Variants in AMOT observed in about 807,000 individuals in gnomAD.
AMOT encodes angiomotin.
AMOT carries 11 observed loss-of-function variants against 67.0 expected under a neutral mutation model. That is an observed-to-expected ratio of 0.16 (90% CI 0.10 to 0.27). The LOEUF (loss-of-function observed/expected upper bound fraction) is 0.27, where lower values mean the gene tolerates loss of function less well. Ranked by LOEUF, AMOT falls within the 10% of genes least tolerant of loss-of-function variation. The pLI is 1.00. For missense variants in AMOT, 753 were observed against 852.0 expected (o/e 0.88, Z 1.45); for synonymous variants, 326 against 321.4 (o/e 1.01, Z -0.15).
At position 112,812,140 on chromosome X, in the gene AMOT, G is replaced by T. The variant is rs931667902; in HGVS notation, c.1393-747C>A. 2.3e-4 allele frequency among the ~76,000 whole-genome samples: 26 copies of T among 111,952 alleles called. 1 individual carries two copies. Among genetic ancestry groups the T allele is most frequent in the African/African-American group, 8.1e-4 (25 of 30,764 alleles). ...AAGGAAGAAGTTATTCCTGGTTGGG[G>T]AAGTGGGGAGGAGAACAATTTCTGA... On this transcript the variant is annotated intron_variant, in intron 5 of 13. Coordinates refer to ENST00000371959, the MANE Select transcript of AMOT (RefSeq NM_001113490.2).
At position 112,815,706 on chromosome X, in the gene AMOT, G is replaced by C; in HGVS notation, c.1044C>G (p.His348Gln). The C allele has an allele frequency of 8.6e-7, 1 of 1,168,828 alleles. No homozygotes were observed. Among genetic ancestry groups the C allele is most frequent in the Non-Finnish European group, 1.1e-6 (1 of 873,756 alleles). Reference protein sequence around the residue: ...LVPNQGDHSAHLPRPQQHFLP... With the variant: ...LVPNQGDHSAQLPRPQQHFLP... The stretch of plus-strand genomic sequence containing the variant: ...GGAAATGCTGCTGCGGCCTAGGCAG[G>C]TGAGCTGAATGGTCTCCCTGGTTTG... Residue 348 changes from histidine to glutamine, a missense_variant, in exon 5 of 14, where the codon CAC becomes CAG. Physicochemically the swap from His to Gln is conservative, Grantham distance 24 (BLOSUM62 0). Transcript: ENST00000371959.
chrX:112,807,527 T>A (rs1025632442), intron 7 of AMOT, among the ~76,000 whole-genome samples: 1 of 108,938 alleles, frequency 9.2e-6, no homozygotes, highest in Non-Finnish European at 1.9e-5. Context: ...CAAATATGAT[T>A]CATATGCTAA....
At chrX:112,802,553 T>G (rs1396807762) in intron 8 of AMOT, among the ~76,000 whole-genome samples, 2 of 112,392 alleles carry the variant, frequency 1.8e-5, no homozygotes, top group African/African-American at 6.5e-5. Context: ...GTGGTAAGCC[T>G]GCTCTCCCAG....
intron 5 of AMOT, 32 bp downstream of exon 5, chrX:112,815,326 G>T (rs1285389896): frequency 3.4e-6 from 4 of 1,173,660 alleles, no homozygotes; most frequent in Non-Finnish European, 4.6e-6. Flanking sequence ...TAAAGACTTA[G>T]AGACCCTAAT....
At chrX:112,788,754 A>T (rs1465099597) in intron 10 of AMOT, among the ~76,000 whole-genome samples, 1 of 112,413 alleles carries the variant, frequency 8.9e-6, no homozygotes, top group Non-Finnish European at 1.9e-5. Flanking sequence ...GAACTATTGG[A>T]AAGTGTTCTT....
At chrX:112,799,390 G>A (rs1258169725) in intron 8 of AMOT, among the ~76,000 whole-genome samples, 1 of 112,121 alleles carries the variant, frequency 8.9e-6, no homozygotes, top group Non-Finnish European at 1.9e-5. Flanking sequence ...TTGGCTAAAG[G>A]ACATTAAGGT....
rs746054864 is a variant in AMOT at position 112,807,915 on chromosome X, GAA to G, written c.1630+1977_1630+1978del. 2.5e-3 allele frequency among the ~76,000 whole-genome samples: 281 copies of G among 111,916 alleles called. 1 individual carries two copies. The highest frequency in any genetic ancestry group is 8.7e-3 in the African/African-American group (268 of 30,775). On this transcript the variant is annotated intron_variant, in intron 7 of 13. Transcript: ENST00000371959. ...ATAAAATCAGCAATTCCATGTTTCT[GAA>G]TCAAATCATTATAACTACAGGGGAC...
intron 10 of AMOT, among the ~76,000 whole-genome samples, chrX:112,783,945 A>G (rs1023291354): frequency 6.3e-5 from 7 of 110,924 alleles, no homozygotes; most frequent in African/African-American, 2.3e-4. Context: ...ATGGGGATGA[A>G]GCGGCAAGAA....
At chrX:112,819,955 T>C (rs186742021) in intron 4 of AMOT, among the ~76,000 whole-genome samples, 2 of 112,337 alleles carry the variant, frequency 1.8e-5, no homozygotes, top group East Asian at 5.6e-4. Context: ...ACTGTATAGC[T>C]AGTTGGTTAA....
At chrX:112,804,655 T>C (rs1934113454) in intron 8 of AMOT, among the ~76,000 whole-genome samples, 1 of 112,005 alleles carries the variant, frequency 8.9e-6, no homozygotes, top group Admixed American at 9.5e-5. Flanking sequence ...CGGCTAGGTA[T>C]ATAGTAAGAG....
chrX:112,836,031 T>C (rs1251281348), intron 1 of AMOT, among the ~76,000 whole-genome samples: 2 of 112,344 alleles, frequency 1.8e-5, no homozygotes, highest in African/African-American at 6.5e-5. Context: ...TTCTTGTCTT[T>C]TATTTAACTG....
chrX:112,788,053 G>T (rs747458047), intron 10 of AMOT, among the ~76,000 whole-genome samples: 3 of 111,168 alleles, frequency 2.7e-5, no homozygotes, highest in Non-Finnish European at 5.6e-5. Flanking sequence ...ATTTTGGGAG[G>T]CCGAGACAGG....
chrX:112,818,228 G>A (rs1934620667), intron 4 of AMOT, among the ~76,000 whole-genome samples: 1 of 111,074 alleles, frequency 9.0e-6, no homozygotes, highest in South Asian at 3.9e-4. Context: ...CAGCTCCCCT[G>A]GGCCTCATCA....
intron 8 of AMOT, among the ~76,000 whole-genome samples, chrX:112,796,491 T>A (rs760811382): frequency 8.9e-6 from 1 of 112,167 alleles, no homozygotes; most frequent in Non-Finnish European, 1.9e-5. Flanking sequence ...GCCAAATCCC[T>A]CTTGAACATT....
chrX:112,820,393 A>G (rs995532886), intron 4 of AMOT, among the ~76,000 whole-genome samples: 6 of 111,303 alleles, frequency 5.4e-5, no homozygotes, highest in Non-Finnish European at 1.1e-4. Flanking sequence ...CCGGTGGTTT[A>G]ATCAGGATGG....
intron 8 of AMOT, among the ~76,000 whole-genome samples, chrX:112,800,282 A>C (rs749445448): frequency 7.3e-4 from 82 of 111,993 alleles, no homozygotes; most frequent in Non-Finnish European, 1.4e-3. Flanking sequence ...AAAAGAAAGA[A>C]AGAAAAGAAA....
chrX:112,814,381 C>G, intron 5 of AMOT, among the ~76,000 whole-genome samples: 1 of 111,791 alleles, frequency 8.9e-6, no homozygotes, highest in South Asian at 3.8e-4. Flanking sequence ...CAGCTTCATT[C>G]AGGCCTCTGA....
At chrX:112,829,341 C>G (rs989910679) in intron 2 of AMOT, among the ~76,000 whole-genome samples, 2 of 110,731 alleles carry the variant, frequency 1.8e-5, no homozygotes, top group African/African-American at 6.6e-5. Context: ...TGTGTGGCAT[C>G]TTCCCCCGTT....
intron 7 of AMOT, among the ~76,000 whole-genome samples, chrX:112,806,336 G>GTATATATATGTATATATATATATATA (rs1226979773): frequency 1.0e-5 from 1 of 96,888 alleles, no homozygotes; most frequent in Admixed American, 1.2e-4. Context: ...TTATACATAT[G>GTATATATATGTATATATATATATATA]TATATATACA....
Sources: gnomAD v4.1 joint callset for allele counts (sites outside exome capture counted in the v4.1 genomes callset) on GRCh38, gnomAD v4.1.1 for gene constraint, MANE v1.5 for transcripts, NCBI Gene and HGNC (gene_info 2026-07-23, HGNC 2026-07-21) for gene names.